Variants in MEI4 observed in about 807,000 individuals in gnomAD.
MEI4 encodes meiotic double-stranded break formation protein 4.
A neutral mutation model predicts 31.4 loss-of-function variants in MEI4; 27 were observed. The ratio of observed to expected loss-of-function variants is 0.86; its 90% confidence interval spans 0.63 to 1.19. MEI4 has a LOEUF of 1.19. Ranked by LOEUF, MEI4 falls within the 50% of genes most tolerant of loss-of-function variation. The probability of loss-of-function intolerance (pLI) is 0.00; values close to 1 mark genes in which losing one functional copy is unlikely to be tolerated. For synonymous variants in MEI4, 122 were observed against 145.4 expected, an observed-to-expected ratio of 0.84 and a Z score of 1.16; for missense variants, 329 against 398.9, an observed-to-expected ratio of 0.82 and a Z score of 1.49.
chr6:77,803,970 G>T (rs767435121), intron 3 of MEI4, among the ~76,000 whole-genome samples: 1 of 152,164 alleles, frequency 6.6e-6, no homozygotes, highest in Non-Finnish European at 1.5e-5. Context: ...CCAGTTGCGT[G>T]CTGGGAGAAC....
chr6:77,742,271 C>G (rs566361847), intron 2 of MEI4, among the ~76,000 whole-genome samples: 1 of 151,512 alleles, frequency 6.6e-6, no homozygotes, highest in African/African-American at 2.4e-5. Flanking sequence ...TCCACATCCT[C>G]TCCAGCACCT....
At chr6:77,870,071 G>T (rs1342487509) in intron 4 of MEI4, among the ~76,000 whole-genome samples, 1 of 152,052 alleles carries the variant, frequency 6.6e-6, no homozygotes, top group Non-Finnish European at 1.5e-5. Context: ...AGGAAAGGGG[G>T]CAAGTACTAC....
At chr6:77,749,969 A>G (rs1194975773) in intron 2 of MEI4, among the ~76,000 whole-genome samples, 2 of 152,222 alleles carry the variant, frequency 1.3e-5, no homozygotes, top group East Asian at 3.9e-4. Flanking sequence ...AATATTCAAC[A>G]TTCTTAAAGA....
At chr6:77,765,198 A>G (rs915142454) in intron 3 of MEI4, among the ~76,000 whole-genome samples, 10 of 152,156 alleles carry the variant, frequency 6.6e-5, no homozygotes, top group Admixed American at 5.2e-4. Context: ...TTCTGACATC[A>G]TATAAAAACT....
intron 2 of MEI4, among the ~76,000 whole-genome samples, chr6:77,754,206 C>G (rs1160259619): frequency 2.0e-5 from 3 of 152,042 alleles, no homozygotes; most frequent in South Asian, 2.1e-4. Flanking sequence ...ACCTATGTAA[C>G]AAACCTGCAT....
At chr6:77,733,570 A>G (rs1349809765) in intron 2 of MEI4, among the ~76,000 whole-genome samples, 1 of 152,010 alleles carries the variant, frequency 6.6e-6, no homozygotes. Context: ...GATCATTTCA[A>G]AAAACCAGCT....
rs147520711 is a variant in MEI4, at chr6:77,865,342, A to G, written c.900+36280A>G. On this transcript the variant is annotated intron_variant, in intron 4 of 4. Transcript: ENST00000684080. The stretch of plus-strand genomic sequence containing the variant: ...TTGATAGACTGCTAGCAAGACCAAT[A>G]AAGAAGAAAGGAGAGAAGAATCAAA... 4.8e-3 allele frequency among the ~76,000 whole-genome samples: 733 copies of G among 152,284 alleles called. 3 individuals carry two copies. The highest frequency in any genetic ancestry group is 0.017 in the African/African-American group (702 of 41,568).
chr6:77,811,360 A>G (rs1421939248), intron 3 of MEI4, among the ~76,000 whole-genome samples: 2 of 152,190 alleles, frequency 1.3e-5, no homozygotes, highest in Non-Finnish European at 2.9e-5. Flanking sequence ...TTAAAATACT[A>G]TCTAGCATAA....
chr6:77,734,053 T>C (rs1284083862), intron 2 of MEI4, among the ~76,000 whole-genome samples: 2 of 152,020 alleles, frequency 1.3e-5, no homozygotes, highest in Non-Finnish European at 2.9e-5. Flanking sequence ...TCCAAGTATG[T>C]GGTCAGTTTT....
chr6:77,680,464 A>G (rs1192418376), intron 1 of MEI4, among the ~76,000 whole-genome samples: 2 of 152,046 alleles, frequency 1.3e-5, no homozygotes, highest in Non-Finnish European at 1.5e-5. Context: ...TTCAGGGGAT[A>G]CTTATTCACA....
intron 4 of MEI4, among the ~76,000 whole-genome samples, chr6:77,909,480 C>T (rs1766380249): frequency 6.6e-6 from 1 of 152,120 alleles, no homozygotes; most frequent in Non-Finnish European, 1.5e-5. Context: ...AATTCCTCAG[C>T]ACATACACCC....
intron 1 of MEI4, among the ~76,000 whole-genome samples, chr6:77,655,686 G>A (rs1768381267): frequency 6.6e-6 from 1 of 152,046 alleles, no homozygotes; most frequent in Non-Finnish European, 1.5e-5. Flanking sequence ...GAAAGTACAG[G>A]AATCATTCTT....
intron 3 of MEI4, among the ~76,000 whole-genome samples, chr6:77,814,953 G>A (rs138782210): frequency 1.3e-5 from 2 of 152,088 alleles, no homozygotes; most frequent in Middle Eastern, 3.4e-3. Flanking sequence ...TTTGGTTTAC[G>A]TACATATATC....
chr6:77,683,823 G>A (rs977420026), intron 1 of MEI4, among the ~76,000 whole-genome samples: 27 of 152,030 alleles, frequency 1.8e-4, no homozygotes, highest in Non-Finnish European at 2.9e-4. Context: ...TTTCTATTGC[G>A]AATAATGCTG....
At chr6:77,824,142 T>A (rs978776072) in intron 3 of MEI4, among the ~76,000 whole-genome samples, 1 of 151,978 alleles carries the variant, frequency 6.6e-6, no homozygotes, top group Admixed American at 6.6e-5. Context: ...CAGGCTGGAG[T>A]GAAGTGGAAT....
At chr6:77,749,878 G>T (rs1767722839) in intron 2 of MEI4, among the ~76,000 whole-genome samples, 1 of 152,142 alleles carries the variant, frequency 6.6e-6, no homozygotes, top group Non-Finnish European at 1.5e-5. Flanking sequence ...AGATAGGTTG[G>T]GTTACCCACA....
At chr6:77,713,800 C>G (rs899746452) in intron 2 of MEI4, among the ~76,000 whole-genome samples, 1 of 152,162 alleles carries the variant, frequency 6.6e-6, no homozygotes, top group African/African-American at 2.4e-5. Flanking sequence ...TCTTCCCCTT[C>G]CACAATGAGC....
chr6:77,839,396 G>A (rs535375195), intron 4 of MEI4, among the ~76,000 whole-genome samples: 1 of 152,216 alleles, frequency 6.6e-6, no homozygotes, highest in Admixed American at 6.5e-5. Context: ...TCCTTCTCCA[G>A]CCCTTTGCTA....
intron 4 of MEI4, among the ~76,000 whole-genome samples, chr6:77,834,821 C>G (rs1431990513): frequency 6.6e-6 from 1 of 152,094 alleles, no homozygotes; most frequent in Non-Finnish European, 1.5e-5. Context: ...CCCTTTCCCC[C>G]GCTCTCCCAA....
Sources: allele counts gnomAD v4.1 joint callset (sites outside exome capture counted in the v4.1 genomes callset), GRCh38; gene constraint gnomAD v4.1.1; transcripts MANE v1.5; gene names NCBI Gene and HGNC (gene_info 2026-07-23, HGNC 2026-07-21).